RET: variants seen among roughly 807,000 people sequenced by gnomAD.
RET encodes the protein ret proto-oncogene, also known as proto-oncogene tyrosine-protein kinase receptor Ret.
In RET, 19 loss-of-function variants were observed where a neutral mutation model predicts 118.3. The observed-to-expected ratio is 0.16, with a 90% CI of 0.11 to 0.24. The LOEUF is 0.24. RET is among the 10% of genes least tolerant of loss of function. RET has a pLI of 1.00. For missense variants in RET, 1,219 were observed against 1,502.1 expected, an observed-to-expected ratio of 0.81 and a Z score of 3.12; for synonymous variants, 597 against 644.1, an observed-to-expected ratio of 0.93 and a Z score of 1.11.
In RET at chr10:43,109,247, T is replaced by C. The variant is rs1330183259; in HGVS notation, c.1263+17T>C. 6.2e-7 allele frequency: 1 copy of C among 1,610,388 alleles called. No homozygotes were observed. Reference sequence around the variant, plus strand: ...TTTGCCCAGGTGAGCCCATACCTATTGCCTGTCTGGGGAAGATTGAAAGGC... The same window carrying C: ...TTTGCCCAGGTGAGCCCATACCTATCGCCTGTCTGGGGAAGATTGAAAGGC... On this transcript the variant is annotated intron_variant, in intron 6 of 19. Coordinates refer to ENST00000355710, the MANE Select transcript of RET (RefSeq NM_020975.6).
intron 16 of RET, among the ~76,000 whole-genome samples, chr10:43,122,288 C>G (rs563141771): frequency 1.1e-4 from 17 of 152,210 alleles, no homozygotes; most frequent in African/African-American, 2.9e-4. Flanking sequence ...CAGCCTCCCC[C>G]ACCCTTGCTA....
intron 1 of RET, among the ~76,000 whole-genome samples, chr10:43,091,697 C>T (rs1053886130): frequency 6.6e-6 from 1 of 151,186 alleles, no homozygotes; most frequent in Non-Finnish European, 1.5e-5. Context: ...GACATTTCTC[C>T]GAATAAGATT....
In RET at chr10:43,077,489, C is replaced by A. The variant is rs538680751; in HGVS notation, c.73+158C>A. ...TCGGCTGGGAGCGCAGTGGCTGCGGCGGGCGGCGGGCGAAGGGCAGGACGC... is the reference window on the plus strand; with the variant it reads ...TCGGCTGGGAGCGCAGTGGCTGCGGAGGGCGGCGGGCGAAGGGCAGGACGC... On this transcript the variant is annotated intron_variant, in intron 1 of 19. Coordinates refer to ENST00000355710, the MANE Select transcript of RET (RefSeq NM_020975.6). 7.4e-5 allele frequency among the ~76,000 whole-genome samples: 11 copies of A among 147,848 alleles called. No homozygotes were observed. The South Asian group carries it at 2.2e-3, about 29-fold the overall frequency.
Position 43,113,593 on chromosome 10 carries a change from C to T in RET, c.1797C>T (p.Pro599=), listed in dbSNP as rs1837992368. ...SIVGGHEPGE[P]RGIKAGYGTC... ...TTGGGGGACACGAGCCTGGGGAGCC[C>T]CGGGGGATTAAAGCTGGCTATGGCA... The change falls in exon 10 of 20, where the codon CCC becomes CCT. Residue 599 remains proline, a synonymous_variant. Coordinates refer to ENST00000355710, the MANE Select transcript of RET (RefSeq NM_020975.6). 1 of 1,611,832 alleles carries T rather than the reference C, an allele frequency of 6.2e-7. No homozygotes were observed. The highest frequency in any genetic ancestry group is 1.1e-5 in the South Asian group (1 of 90,660).
At chr10:43,126,896 T>G (rs1447874987) in intron 19 of RET, 174 bp downstream of exon 19, 2 of 1,442,878 alleles carry the variant, frequency 1.4e-6, no homozygotes, top group African/African-American at 2.9e-5. Flanking sequence ...TAGGCATTAT[T>G]GCAACTATGT....
chr10:43,106,903 A>G lies in RET; in HGVS notation c.1063+332A>G, dbSNP rs1388495433. Among the ~76,000 whole-genome samples the G allele has an allele frequency of 3.3e-5, 5 of 152,042 alleles. No homozygotes were observed. Among genetic ancestry groups the G allele is most frequent in the Non-Finnish European group, 7.4e-5 (5 of 67,986 alleles). On this transcript the variant is annotated intron_variant, in intron 5 of 19. Transcript: ENST00000355710. This position sits in a 1 kb window ranked among gnomAD's most constrained non-coding sequence, Gnocchi z 5.1. Reference sequence around the variant, plus strand: ...CTGAGGCTTTCCTCCAGCCCCTGGCACTCCATCGTTGCCCCTAAGGCGTCC... The same window carrying G: ...CTGAGGCTTTCCTCCAGCCCCTGGCGCTCCATCGTTGCCCCTAAGGCGTCC...
intron 19 of RET, 134 bp downstream of exon 19, chr10:43,126,856 A>G: frequency 6.8e-7 from 1 of 1,474,170 alleles, no homozygotes; most frequent in African/African-American, 1.4e-5. Flanking sequence ...TTTTATTTGT[A>G]AATGTCTGAC....
chr10:43,099,619 C>T (rs1366620511), intron 1 of RET, among the ~76,000 whole-genome samples: 1 of 152,042 alleles, frequency 6.6e-6, no homozygotes, highest in Non-Finnish European at 1.5e-5. Context: ...CGAATATGCC[C>T]ACGTGATCTG....
chr10:43,094,143 C>T (rs1442789408), intron 1 of RET, among the ~76,000 whole-genome samples: 1 of 151,970 alleles, frequency 6.6e-6, no homozygotes, highest in Non-Finnish European at 1.5e-5. Context: ...TAACAGTGCT[C>T]AGCATGGGGC....
intron 1 of RET, 92 bp downstream of exon 1, chr10:43,077,423 T>A: frequency 7.1e-7 from 1 of 1,417,380 alleles, no homozygotes. Context: ...CCTTTCTGTT[T>A]GCCGTGGGCA....
At chr10:43,102,279 C>A in intron 2 of RET, 63 bp from the exon 3 acceptor site, 12 of 1,600,662 alleles carry the variant, frequency 7.5e-6, no homozygotes, top group Non-Finnish European at 1.0e-5. Context: ...CCTGCCTCCT[C>A]CCCATTCCCG....
At chr10:43,091,436 C>G (rs1837407737) in intron 1 of RET, among the ~76,000 whole-genome samples, 1 of 151,984 alleles carries the variant, frequency 6.6e-6, no homozygotes, top group African/African-American at 2.4e-5. Flanking sequence ...CGAAAGCAGC[C>G]TAGCCAACAT....
chr10:43,082,962 G>A (rs1042952729), intron 1 of RET, among the ~76,000 whole-genome samples: 3 of 152,198 alleles, frequency 2.0e-5, no homozygotes, highest in South Asian at 4.1e-4. Flanking sequence ...CCCGGCAGCT[G>A]TTGCTGGGCT....
chr10:43,111,380 C>T lies in RET; in HGVS notation c.1437C>T (p.Ala479=), dbSNP rs576806356. 4.4e-5 allele frequency: 71 copies of T among 1,614,000 alleles called. No homozygotes were observed. In the Admixed American group the frequency reaches 7.3e-4, roughly 17 times the overall value. The change falls in exon 7 of 20, where the codon GCC becomes GCT. Residue 479 remains alanine (A), a synonymous_variant. Coordinates refer to ENST00000355710, the MANE Select transcript of RET (RefSeq NM_020975.6). ...AGGCCCTGCGGCGGCCCAAGTGTGC[C>T]GAACTTCACTACATGGTGGTGGCCA... ...DTKALRRPKC[A]ELHYMVVATD...
intron 19 of RET, 199 bp downstream of exon 19, chr10:43,126,921 G>A: frequency 7.0e-7 from 1 of 1,435,114 alleles, no homozygotes; most frequent in Admixed American, 2.8e-5. Flanking sequence ...CTAAAAGGAT[G>A]TGAAAATAAG....
intron 18 of RET, 141 bp from the exon 19 acceptor site, chr10:43,126,434 C>T (rs1838329544): frequency 3.6e-6 from 3 of 821,996 alleles, no homozygotes; most frequent in Non-Finnish European, 6.3e-6. Context: ...CAGCCTGGCC[C>T]TGGTCTCTTG....
At chr10:43,088,401 G>A (rs1247587162) in intron 1 of RET, among the ~76,000 whole-genome samples, 2 of 151,740 alleles carry the variant, frequency 1.3e-5, no homozygotes, top group Non-Finnish European at 2.9e-5. Context: ...TGGTGGTGGT[G>A]GAAGTCATGA....
intron 5 of RET, among the ~76,000 whole-genome samples, chr10:43,107,195 C>G (rs1270354896): frequency 6.6e-6 from 1 of 152,188 alleles, no homozygotes; most frequent in Non-Finnish European, 1.5e-5. Flanking sequence ...GAACCCCAGG[C>G]CATGAGTCCT....
chr10:43,111,279 G>C lies in RET; in HGVS notation c.1336G>C (p.Gly446Arg), dbSNP rs115423919. The change falls in exon 7 of 20, where the codon GGT (glycine) becomes CGT (arginine). Residue 446 changes from glycine to arginine, a missense_variant. Gly to Arg is a moderately radical substitution (Grantham distance 125). Transcript: ENST00000355710. ...INVQYKLHSS[G>R]ANCSTLGVVT... ...CGTCCAGTACAAGCTGCATTCCTCTGGTGCCAACTGCAGCACGCTAGGGGT... is the reference window on the plus strand; with the variant it reads ...CGTCCAGTACAAGCTGCATTCCTCTCGTGCCAACTGCAGCACGCTAGGGGT... 714 of 1,614,172 alleles carry C rather than the reference G, an allele frequency of 4.4e-4. 2 individuals are homozygous for C. The African/African-American group carries it at 8.4e-3, about 19-fold the overall frequency.
Sources: allele counts gnomAD v4.1 joint callset (sites outside exome capture counted in the v4.1 genomes callset), GRCh38; gene constraint gnomAD v4.1.1; non-coding constraint Gnocchi (gnomAD v3.1); transcripts MANE v1.5; gene names NCBI Gene and HGNC (gene_info 2026-07-23, HGNC 2026-07-21).